ACTN4: variants seen among roughly 807,000 people sequenced by gnomAD.
ACTN4 encodes the protein alpha-actinin-4.
Under a neutral mutation model 114.2 loss-of-function variants are expected in ACTN4, and 18 were observed. The observed-to-expected ratio is 0.16, with a 90% CI of 0.11 to 0.23. ACTN4 has a LOEUF of 0.23. Ranked by LOEUF, ACTN4 falls within the 10% of genes least tolerant of loss-of-function variation. The probability of loss-of-function intolerance (pLI) is 1.00; values close to 1 mark genes in which losing one functional copy is unlikely to be tolerated. For missense variants in ACTN4, 722 were observed against 1,262.9 expected, an observed-to-expected ratio of 0.57 and a Z score of 6.49; for synonymous variants, 515 against 506.3, an observed-to-expected ratio of 1.02 and a Z score of -0.23.
chr19:38,704,847 G>A, intron 3 of ACTN4, 87 bp from the exon 4 acceptor site: 6 of 1,240,532 alleles, frequency 4.8e-6, no homozygotes, highest in Non-Finnish European at 5.9e-6. Context: ...CTCTAGATGG[G>A]GCTGGAAGGC....
Position 38,724,502 on chromosome 19 carries a change from C to G in ACTN4, c.1947C>G (p.His649Gln). ...EEQSKQQSNE[H>Q]LRRQFASQAN... ...AGAGCAAGCAGCAGTCCAACGAGCA[C>G]CTGCGCCGCCAGTTCGCCAGCCAGG... Residue 649 changes from histidine to glutamine, a missense_variant, in exon 16 of 21, where the codon CAC becomes CAG. Transcript: ENST00000252699. The surrounding 1 kb of genome is among the most constrained non-coding windows in gnomAD (Gnocchi z 7.0). 1 of 1,613,342 alleles carries G rather than the reference C, an allele frequency of 6.2e-7. No homozygotes were observed. Among genetic ancestry groups the G allele is most frequent in the African/African-American group, 1.3e-5 (1 of 75,062 alleles).
Position 38,724,692 on chromosome 19 carries a change from C to T in ACTN4, c.2010+127C>T. 1 of 1,491,466 alleles carries T rather than the reference C, an allele frequency of 6.7e-7. No individual in the cohort carries two copies. The highest frequency in any genetic ancestry group is 9.2e-7 in the Non-Finnish European group (1 of 1,091,366). The allele number at this position is 1,491,466 out of a possible 1,614,324, so 92.4% of individuals were successfully genotyped here. On this transcript the variant is annotated intron_variant, in intron 16 of 20. Coordinates refer to ENST00000252699, the MANE Select transcript of ACTN4 (RefSeq NM_004924.6). The surrounding 1 kb of genome is among the most constrained non-coding windows in gnomAD (Gnocchi z 7.0). ...GCAGAGCAGGTCCCAATTCTCACCA[C>T]CCAGGGGCCGTGATCACCCTGCGGG...
rs549299816 is a variant in ACTN4, at chr19:38,712,704, TCGTCACCACAGAC to T, written c.820-1763_820-1751del. On this transcript the variant is annotated intron_variant, in intron 8 of 20. Coordinates refer to ENST00000252699, the MANE Select transcript of ACTN4 (RefSeq NM_004924.6). The stretch of plus-strand genomic sequence containing the variant: ...GCAGGGACCAGCAGCAATGGACGAT[TCGTCACCACAGAC>T]CCCAACTAACAGCATGTTTGCCATT... Among the ~76,000 whole-genome samples, 27 of 152,064 alleles carry T rather than the reference TCGTCACCACAGAC, an allele frequency of 1.8e-4. No individual in the cohort carries two copies. In the South Asian group the frequency reaches 5.6e-3, roughly 32 times the overall value.
Position 38,683,571 on chromosome 19 carries a change from A to G in ACTN4, c.163-17029A>G, listed in dbSNP as rs141442393. On this transcript the variant is annotated intron_variant, in intron 1 of 20. Coordinates refer to ENST00000252699, the MANE Select transcript of ACTN4 (RefSeq NM_004924.6). ...TTTCCCCCCCTTCTCTAAAAGACACACAATGGCAGTTGGGCTGCACCTTTG... is the reference window on the plus strand; with the variant it reads ...TTTCCCCCCCTTCTCTAAAAGACACGCAATGGCAGTTGGGCTGCACCTTTG... 7.0e-4 allele frequency among the ~76,000 whole-genome samples: 107 copies of G among 152,288 alleles called. 1 individual carries two copies. In the East Asian group the frequency reaches 0.019, roughly 28 times the overall value.
Position 38,730,450 on chromosome 19 carries a change from C to CTGATTGAT in ACTN4, c.*1020_*1027dup, listed in dbSNP as rs151276707. 4.9e-5 allele frequency: 10 copies of CTGATTGAT among 204,622 alleles called. No homozygotes were observed. The highest frequency in any genetic ancestry group is 2.1e-4 in the African/African-American group (9 of 42,444). 12.7% of individuals were successfully genotyped at this position (204,622 alleles called of 1,614,324 possible). The stretch of plus-strand genomic sequence containing the variant: ...CCTACCTTTTTTTTTTGAGTTTATT[C>CTGATTGAT]TGATTGATTTTTTTTCTTGGTTTCT... On this transcript the variant is annotated 3_prime_UTR_variant, in exon 21 of 21. Coordinates refer to ENST00000252699, the MANE Select transcript of ACTN4 (RefSeq NM_004924.6).
At chr19:38,726,840 C>G in intron 17 of ACTN4, 117 bp from the exon 18 acceptor site, 1 of 1,471,532 alleles carries the variant, frequency 6.8e-7, no homozygotes, top group South Asian at 1.2e-5. Context: ...GTGAGGTGTA[C>G]AGGAGAGCAG....
intron 1 of ACTN4, among the ~76,000 whole-genome samples, chr19:38,657,687 G>C (rs1475679318): frequency 6.6e-6 from 1 of 151,994 alleles, no homozygotes; most frequent in South Asian, 2.1e-4. Context: ...GGTGGTGAAG[G>C]CCAGTTTGAG....
intron 1 of ACTN4, among the ~76,000 whole-genome samples, chr19:38,680,273 G>A (rs1378589393): frequency 7.0e-6 from 1 of 143,580 alleles, no homozygotes; most frequent in African/African-American, 2.6e-5. Flanking sequence ...CAGTCGCCCA[G>A]GCTAGAGTGC....
chr19:38,669,706 T>G (rs981474090), intron 1 of ACTN4, among the ~76,000 whole-genome samples: 38 of 152,172 alleles, frequency 2.5e-4, no homozygotes, highest in Non-Finnish European at 1.9e-4. Context: ...CAGCGTGGCC[T>G]CAGGAAGTTG....
intron 12 of ACTN4, among the ~76,000 whole-genome samples, chr19:38,723,012 A>G (rs1969099702): frequency 6.6e-6 from 1 of 152,192 alleles, no homozygotes; most frequent in Non-Finnish European, 1.5e-5. Context: ...ATTAATGGCG[A>G]TAGCAAAAAC....
In ACTN4 at chr19:38,729,122, A is replaced by G; in HGVS notation, c.2545A>G (p.Ile849Val). Residue 849 changes from isoleucine to valine, a missense_variant, in exon 20 of 21, where the codon ATC becomes GTC. Ile to Val is a conservative substitution (Grantham distance 29). Transcript: ENST00000252699. ...TTDTDTADQV[I>V]ASFKVLAGDK... ...CGACACGGACACGGCTGACCAGGTC[A>G]TCGCTTCCTTCAAGGTCTTAGCAGG... is the stretch of plus-strand genomic sequence containing the variant. 6.2e-7 allele frequency: 1 copy of G among 1,613,174 alleles called. No homozygotes were observed. The highest frequency in any genetic ancestry group is 8.5e-7 in the Non-Finnish European group (1 of 1,179,978).
chr19:38,647,753 A>G lies in ACTN4; in HGVS notation c.8A>G (p.Asp3Gly). Residue 3 changes from aspartate to glycine, a missense_variant, in exon 1 of 21, where the codon GAC becomes GGC. Around this residue, in one of 3 missense-constraint regions of ACTN4, gnomAD observed 72 missense variants for 75.6 expected, o/e 0.95. Coordinates refer to ENST00000252699, the MANE Select transcript of ACTN4 (RefSeq NM_004924.6). ...CGAGCGAGAGGCGGCGGAATGGTGG[A>G]CTACCACGCGGCGAACCAGTCGTAC... MV[D>G]YHAANQSYQY... 2 of 1,547,532 alleles carry G rather than the reference A, an allele frequency of 1.3e-6. No homozygotes were observed. The highest frequency in any genetic ancestry group is 1.2e-5 in the South Asian group (1 of 83,746).
In ACTN4 at chr19:38,724,099, A is replaced by C; in HGVS notation, c.1692+22A>C. 1 of 1,613,384 alleles carries C rather than the reference A, an allele frequency of 6.2e-7. No homozygotes were observed. Among genetic ancestry groups the C allele is most frequent in the Non-Finnish European group, 8.5e-7 (1 of 1,179,940 alleles). On this transcript the variant is annotated intron_variant, in intron 14 of 20. Transcript: ENST00000252699. The surrounding 1 kb of genome is among the most constrained non-coding windows in gnomAD (Gnocchi z 7.0). ...TGAGGTTCGCACCCCCCGGCCCCCC[A>C]TCTTCCCAAGAGCCTCTGTGGGGCT...
At chr19:38,661,585 G>A (rs538674403) in intron 1 of ACTN4, among the ~76,000 whole-genome samples, 138 of 152,342 alleles carry the variant, frequency 9.1e-4, no homozygotes, top group Non-Finnish European at 1.6e-3. Context: ...CTTCTTTGAA[G>A]TTGGAAGCCA....
chr19:38,701,216 T>C, intron 3 of ACTN4, 95 bp downstream of exon 3: 1 of 1,587,574 alleles, frequency 6.3e-7, no homozygotes, highest in Non-Finnish European at 8.6e-7. Flanking sequence ...GTTTTGTTGG[T>C]GGCAGGGCGC....
chr19:38,726,939 G>GC lies in ACTN4; in HGVS notation c.2191-13dup, dbSNP rs749175767. ...TTCACAGCACCCGGCCCACGATCACGCCCCCGTCTTTCCGCAGCACATCCG... is the reference window on the plus strand; with the variant it reads ...TTCACAGCACCCGGCCCACGATCACGCCCCCCGTCTTTCCGCAGCACATCCG... On this transcript the variant is annotated splice_polypyrimidine_tract_variant and intron_variant, in intron 17 of 20. Transcript: ENST00000252699. 6.2e-7 allele frequency: 1 copy of GC among 1,613,270 alleles called. No individual in the cohort carries two copies.
chr19:38,708,418 A>G (rs1483706477), intron 6 of ACTN4, among the ~76,000 whole-genome samples: 2 of 151,834 alleles, frequency 1.3e-5, no homozygotes, highest in African/African-American at 4.8e-5. Context: ...GTCTCCCTCC[A>G]TGGCACTGCA....
At chr19:38,715,420 C>T (rs1160754261) in intron 9 of ACTN4, among the ~76,000 whole-genome samples, 1 of 152,150 alleles carries the variant, frequency 6.6e-6, no homozygotes, top group African/African-American at 2.4e-5. Flanking sequence ...TCGCTTGAGC[C>T]TGGGAGGCAG....
rs1969594276 is a variant in ACTN4 at position 38,731,378 on chromosome 19, C to A, written c.*1946C>A. ...CAGGGTGAGTACAGGCTGATCCCTT[C>A]AATCCTCTGGGCCTGTTTCCTCATC... is the stretch of plus-strand genomic sequence containing the variant. On this transcript the variant is annotated 3_prime_UTR_variant, in exon 21 of 21. Transcript: ENST00000252699. 2 of 645,442 alleles carry A rather than the reference C, an allele frequency of 3.1e-6. No homozygotes were observed. Among genetic ancestry groups the A allele is most frequent in the Non-Finnish European group, 5.6e-6 (2 of 355,636 alleles). The allele number at this position is 645,442 out of a possible 1,614,324, so 40.0% of individuals were successfully genotyped here.
Sources: gnomAD v4.1 joint callset for allele counts (sites outside exome capture counted in the v4.1 genomes callset) on GRCh38, gnomAD v4.1.1 for gene constraint, gnomAD v4.1.1 regional missense constraint, Gnocchi (gnomAD v3.1) non-coding constraint, MANE v1.5 for transcripts, NCBI Gene and HGNC (gene_info 2026-07-23, HGNC 2026-07-21) for gene names.